The following TTC28 variants were observed in gnomAD, a reference collection of about 807,000 sequenced individuals.
TTC28 encodes tetratricopeptide repeat domain 28, also known as tetratricopeptide repeat protein 28.
A neutral mutation model predicts 198.0 loss-of-function variants in TTC28; 61 were observed. The ratio of observed to expected loss-of-function variants is 0.31; its 90% CI spans 0.25 to 0.38. The LOEUF (loss-of-function observed/expected upper bound fraction) is 0.38. Ranked by LOEUF, TTC28 falls within the 10% of genes least tolerant of loss-of-function variation. The pLI is 1.00. For synonymous variants in TTC28, 1,171 were observed against 1,297.8 expected (o/e 0.90, Z 2.10); for missense variants, 2,678 against 3,164.0 (o/e 0.85, Z 3.69).
intron 2 of TTC28, among the ~76,000 whole-genome samples, chr22:28,567,479 C>CATATAGATATATAT (rs2049992331): frequency 2.0e-5 from 1 of 51,128 alleles, no homozygotes; most frequent in Admixed American, 3.5e-4. Context: ...TACATACATA[C>CATATAGATATATAT]ATATATATAT....
At chr22:28,600,800 T>C (rs1037127762) in intron 2 of TTC28, among the ~76,000 whole-genome samples, 1 of 152,160 alleles carries the variant, frequency 6.6e-6, no homozygotes, top group Non-Finnish European at 1.5e-5. Context: ...ACTCAACAAT[T>C]TGCAGCTCTT....
intron 2 of TTC28, among the ~76,000 whole-genome samples, chr22:28,346,263 C>G (rs1332850603): frequency 1.3e-5 from 2 of 152,210 alleles, no homozygotes; most frequent in Non-Finnish European, 2.9e-5. Context: ...GTTCATCATT[C>G]TTTATACCAG....
At chr22:28,598,221 A>C (rs1421150779) in intron 2 of TTC28, among the ~76,000 whole-genome samples, 1 of 151,516 alleles carries the variant, frequency 6.6e-6, no homozygotes, top group Non-Finnish European at 1.5e-5. Flanking sequence ...ACTTAAAAGT[A>C]ACAAGCAGGC....
intron 2 of TTC28, among the ~76,000 whole-genome samples, chr22:28,319,912 T>C (rs760067184): frequency 2.6e-5 from 4 of 152,222 alleles, no homozygotes; most frequent in Admixed American, 2.0e-4. Flanking sequence ...TAATTTTTCA[T>C]AGACTGCTTT....
At chr22:28,511,452 C>G (rs2048687655) in intron 2 of TTC28, among the ~76,000 whole-genome samples, 1 of 152,152 alleles carries the variant, frequency 6.6e-6, no homozygotes, top group Non-Finnish European at 1.5e-5. Context: ...AATGGCTAGC[C>G]ATATGCAGAA....
In TTC28 at chr22:28,679,710, G is replaced by C; in HGVS notation, c.14C>G (p.Pro5Arg). MEQSPPPAPEPTQGP... is the reference protein window; with the variant it reads MEQSRPPAPEPTQGP... ...TTGGGTCGGCTCGGGCGCCGGCGGCGGCGACTGCTCCATCCCCACGGGGCC... is the reference window on the plus strand; with the variant it reads ...TTGGGTCGGCTCGGGCGCCGGCGGCCGCGACTGCTCCATCCCCACGGGGCC... Residue 5 changes from proline (P) to arginine (R), a missense_variant, in exon 1 of 23, where the codon CCG becomes CGG. Transcript: ENST00000397906. The C allele has an allele frequency of 7.8e-7, 1 of 1,279,404 alleles. No individual in the cohort carries two copies. Among genetic ancestry groups the C allele is most frequent in the East Asian group, 3.2e-5 (1 of 31,132 alleles). The allele number at this position is 1,279,404 out of a possible 1,614,324, so 79.3% of individuals were successfully genotyped here. A position where few individuals can be genotyped will look rare whatever the true frequency, so the allele number is the denominator to read the frequency against.
chr22:28,603,159 A>C (rs1300195106), intron 2 of TTC28, among the ~76,000 whole-genome samples: 1 of 152,112 alleles, frequency 6.6e-6, no homozygotes, highest in South Asian at 2.1e-4. Context: ...GATTACAGGC[A>C]TGAGCCACCG....
At chr22:28,013,809 T>C (rs1938250213) in intron 14 of TTC28, among the ~76,000 whole-genome samples, 1 of 152,044 alleles carries the variant, frequency 6.6e-6, no homozygotes, top group African/African-American at 2.4e-5. Context: ...CCGAGGCATC[T>C]GCTAGGTGGG....
chr22:27,993,378 TG>T lies in TTC28; in HGVS notation c.5384del (p.Pro1795GlnfsTer108). On this transcript the variant is annotated frameshift_variant, in exon 18 of 23. Coordinates refer to ENST00000397906, the MANE Select transcript of TTC28 (RefSeq NM_001145418.2). LOFTEE classifies it high-confidence loss of function. ...AGACAGCCGCTGGCAGGCCACTGGTTGGGGGGTCCAGCCGGAAGCCCACAGC... is the reference window on the plus strand; with the variant it reads ...AGACAGCCGCTGGCAGGCCACTGGTTGGGGGTCCAGCCGGAAGCCCACAGC... ...LTAVGFRLDP[P>X]TSGLPAAVFF... 6.4e-7 allele frequency: 1 copy of T among 1,551,042 alleles called. No individual in the cohort carries two copies. Among genetic ancestry groups the T allele is most frequent in the Non-Finnish European group, 8.7e-7 (1 of 1,146,976 alleles).
chr22:27,998,364 A>G (rs1937587839), intron 16 of TTC28, 176 bp downstream of exon 16: 1 of 1,074,268 alleles, frequency 9.3e-7, no homozygotes, highest in African/African-American at 1.6e-5. Flanking sequence ...TCTTAATAGT[A>G]GGAAAAACTC....
intron 2 of TTC28, among the ~76,000 whole-genome samples, chr22:28,467,456 C>T (rs1381881408): frequency 6.6e-6 from 1 of 152,154 alleles, no homozygotes; most frequent in Non-Finnish European, 1.5e-5. Flanking sequence ...CTAATTATTA[C>T]AATAATTCTA....
At chr22:28,380,006 T>TA (rs2046470805) in intron 2 of TTC28, among the ~76,000 whole-genome samples, 1 of 150,808 alleles carries the variant, frequency 6.6e-6, no homozygotes, top group Non-Finnish European at 1.5e-5. Flanking sequence ...GGCTACAATT[T>TA]AGTCAATAAT....
chr22:28,610,055 G>A (rs915984539), intron 2 of TTC28, among the ~76,000 whole-genome samples: 9 of 151,934 alleles, frequency 5.9e-5, no homozygotes, highest in South Asian at 2.1e-4. Flanking sequence ...CTCTCTGGGC[G>A]GGGCATCTCT....
intron 1 of TTC28, among the ~76,000 whole-genome samples, chr22:28,646,209 T>A (rs2051463651): frequency 6.6e-6 from 1 of 152,154 alleles, no homozygotes; most frequent in South Asian, 2.1e-4. Context: ...TGATAGGGTT[T>A]CAGGTTGCAA....
chr22:28,637,307 C>T (rs992351379), intron 1 of TTC28, among the ~76,000 whole-genome samples: 1 of 152,208 alleles, frequency 6.6e-6, no homozygotes, highest in African/African-American at 2.4e-5. Context: ...CCACCGCGCC[C>T]AGCCACGTTT....
intron 6 of TTC28, among the ~76,000 whole-genome samples, chr22:28,162,478 A>G (rs943120144): frequency 2.0e-5 from 3 of 152,158 alleles, no homozygotes; most frequent in African/African-American, 7.2e-5. Context: ...AACATAGCCT[A>G]TATCATCATT....
At chr22:28,530,652 C>A (rs1206119194) in intron 2 of TTC28, among the ~76,000 whole-genome samples, 1 of 152,078 alleles carries the variant, frequency 6.6e-6, no homozygotes, top group Non-Finnish European at 1.5e-5. Flanking sequence ...TTAAGGGCAG[C>A]CAGAGAGAAA....
intron 2 of TTC28, among the ~76,000 whole-genome samples, chr22:28,358,526 G>T (rs920929545): frequency 6.6e-6 from 1 of 152,172 alleles, no homozygotes; most frequent in African/African-American, 2.4e-5. Context: ...CAACATGTCA[G>T]CTCTGCATAC....
At chr22:28,246,450 C>A (rs761669718) in intron 5 of TTC28, among the ~76,000 whole-genome samples, 1 of 152,114 alleles carries the variant, frequency 6.6e-6, no homozygotes, top group Non-Finnish European at 1.5e-5. Context: ...CTCTGTGATT[C>A]TTTGAGAAGC....
Sources: gnomAD v4.1 joint callset for allele counts (sites outside exome capture counted in the v4.1 genomes callset) on GRCh38, gnomAD v4.1.1 for gene constraint, MANE v1.5 for transcripts, NCBI Gene and HGNC (gene_info 2026-07-23, HGNC 2026-07-21) for gene names.